CCDC148: variants seen among roughly 807,000 people sequenced by gnomAD.
CCDC148 encodes coiled-coil domain-containing protein 148.
In CCDC148, 89 loss-of-function variants were observed where a neutral mutation model predicts 85.7. The observed-to-expected ratio is 1.04, with a 90% CI of 0.87 to 1.24. CCDC148 has a LOEUF of 1.24. CCDC148 is among the 50% of genes most tolerant of loss of function. CCDC148 has a pLI of 0.00. For synonymous variants in CCDC148, 230 were observed against 213.9 expected (o/e 1.08, Z -0.66); for missense variants, 692 against 671.7 (o/e 1.03, Z -0.33).
At chr2:158,431,081 T>C (rs994136597) in intron 1 of CCDC148, among the ~76,000 whole-genome samples, 25 of 150,560 alleles carry the variant, frequency 1.7e-4, no homozygotes, top group Non-Finnish European at 7.4e-5. Flanking sequence ...ACCTCAATGA[T>C]ATATCAGATA....
At chr2:158,440,468 A>G (rs111605110) in intron 1 of CCDC148, among the ~76,000 whole-genome samples, 201 of 152,258 alleles carry the variant, frequency 1.3e-3, no homozygotes, top group African/African-American at 4.6e-3. Flanking sequence ...TACATGCACA[A>G]TAGTCCCCCG....
chr2:158,345,935 G>A (rs753425118), intron 2 of CCDC148, among the ~76,000 whole-genome samples: 25 of 152,178 alleles, frequency 1.6e-4, no homozygotes, highest in African/African-American at 2.6e-4. Context: ...CTCTAAGTGC[G>A]TCTTTGTAAA....
intron 1 of CCDC148, among the ~76,000 whole-genome samples, chr2:158,409,854 T>C (rs1294295289): frequency 6.6e-6 from 1 of 152,152 alleles, no homozygotes; most frequent in Non-Finnish European, 1.5e-5. Context: ...CGGTGGGAGA[T>C]AATCGAATCA....
At position 158,413,264 on chromosome 2, in the gene CCDC148, GT is replaced by G. The variant is rs899350003; in HGVS notation, c.25+43150del. On this transcript the variant is annotated intron_variant, in intron 1 of 13. Coordinates refer to ENST00000283233, the MANE Select transcript of CCDC148 (RefSeq NM_138803.4). ...AACATATTATCCCATTAAACTAACA[GT>G]TTTTTTTTCACAAAAGGAATGTTTT... Among the ~76,000 whole-genome samples, 56 of 150,702 alleles carry G rather than the reference GT, an allele frequency of 3.7e-4. No individual in the cohort carries two copies. The East Asian group carries it at 5.0e-3, about 14-fold the overall frequency.
At chr2:158,231,954 A>C (rs1423086174) in intron 10 of CCDC148, among the ~76,000 whole-genome samples, 1 of 152,218 alleles carries the variant, frequency 6.6e-6, no homozygotes, top group Non-Finnish European at 1.5e-5. Flanking sequence ...ACTGAAGTCA[A>C]GACTAAGGGT....
intron 11 of CCDC148, among the ~76,000 whole-genome samples, chr2:158,217,707 T>A (rs565658759): frequency 1.3e-5 from 2 of 151,926 alleles, no homozygotes; most frequent in Non-Finnish European, 2.9e-5. Flanking sequence ...CCCGGTCGAA[T>A]ATTGTTTTTA....
At chr2:158,206,733 T>C (rs1301177892) in intron 11 of CCDC148, among the ~76,000 whole-genome samples, 1 of 152,166 alleles carries the variant, frequency 6.6e-6, no homozygotes, top group Non-Finnish European at 1.5e-5. Context: ...GATTGGAGGA[T>C]TGTGAAAATA....
At chr2:158,387,493 C>T (rs1246085305) in intron 1 of CCDC148, among the ~76,000 whole-genome samples, 1 of 151,690 alleles carries the variant, frequency 6.6e-6, no homozygotes, top group Non-Finnish European at 1.5e-5. Flanking sequence ...ATCTATAATA[C>T]CACCTCTCTT....
At chr2:158,393,863 T>TCAC (rs1685419528) in intron 1 of CCDC148, among the ~76,000 whole-genome samples, 1 of 152,138 alleles carries the variant, frequency 6.6e-6, no homozygotes, top group East Asian at 1.9e-4. Context: ...TAGAACAGTT[T>TCAC]CACCCATAAA....
intron 8 of CCDC148, among the ~76,000 whole-genome samples, chr2:158,310,571 G>C (rs551592116): frequency 6.6e-6 from 1 of 151,776 alleles, no homozygotes; most frequent in Non-Finnish European, 1.5e-5. Context: ...CAGACAGGGC[G>C]GCTGCCGGGC....
intron 11 of CCDC148, among the ~76,000 whole-genome samples, chr2:158,212,597 T>G (rs73966279): frequency 0.042 from 6,414 of 152,192 alleles, 429 homozygotes; most frequent in African/African-American, 0.14. Context: ...CAAATGGTCA[T>G]TGACATCCTA....
intron 11 of CCDC148, among the ~76,000 whole-genome samples, chr2:158,179,983 G>A (rs1280065228): frequency 6.6e-6 from 1 of 151,954 alleles, no homozygotes; most frequent in South Asian, 2.1e-4. Context: ...TGCCTTTTTT[G>A]GGCAGCCTCC....
At chr2:158,197,234 A>G (rs554323371) in intron 11 of CCDC148, among the ~76,000 whole-genome samples, 31 of 152,184 alleles carry the variant, frequency 2.0e-4, no homozygotes, top group Non-Finnish European at 3.7e-4. Context: ...CAATGAGAGA[A>G]AATTATCTGA....
chr2:158,401,326 T>C (rs1685772226), intron 1 of CCDC148, among the ~76,000 whole-genome samples: 1 of 151,958 alleles, frequency 6.6e-6, no homozygotes, highest in South Asian at 2.1e-4. Flanking sequence ...ATCGACTGGA[T>C]AAAGAAAATG....
intron 9 of CCDC148, among the ~76,000 whole-genome samples, chr2:158,283,966 G>C (rs1269524974): frequency 6.6e-6 from 1 of 151,162 alleles, no homozygotes; most frequent in Non-Finnish European, 1.5e-5. Context: ...ATGAGTTCAT[G>C]TCCTTTGTAG....
At chr2:158,195,596 G>A (rs1399902267) in intron 11 of CCDC148, among the ~76,000 whole-genome samples, 1 of 152,124 alleles carries the variant, frequency 6.6e-6, no homozygotes, top group Admixed American at 6.6e-5. Flanking sequence ...CCCTAGCTCA[G>A]AGCCTCCCTT....
intron 9 of CCDC148, among the ~76,000 whole-genome samples, chr2:158,300,452 T>A (rs535229751): frequency 4.6e-5 from 7 of 152,170 alleles, no homozygotes; most frequent in Non-Finnish European, 1.0e-4. Flanking sequence ...CAGAGTTATG[T>A]ACCAGGAGTT....
At chr2:158,331,400 A>G (rs976815461) in intron 7 of CCDC148, among the ~76,000 whole-genome samples, 11 of 152,136 alleles carry the variant, frequency 7.2e-5, no homozygotes, top group African/African-American at 2.2e-4. Flanking sequence ...GTTCTTTTAC[A>G]TTTGCTGAGG....
chr2:158,282,105 T>C (rs919781428), intron 9 of CCDC148, among the ~76,000 whole-genome samples: 2 of 151,452 alleles, frequency 1.3e-5, no homozygotes, highest in Admixed American at 6.6e-5. Flanking sequence ...TCTCAATAAA[T>C]TAGGTATTGA....
Sources: allele counts gnomAD v4.1 joint callset (sites outside exome capture counted in the v4.1 genomes callset), GRCh38; gene constraint gnomAD v4.1.1; transcripts MANE v1.5; gene names NCBI Gene and HGNC (gene_info 2026-07-23, HGNC 2026-07-21).